The following RGS7 variants were observed in gnomAD, a reference collection of about 807,000 sequenced individuals.
RGS7 encodes regulator of G-protein signaling 7.
A neutral mutation model predicts 81.1 loss-of-function variants in RGS7; 27 were observed. The ratio of observed to expected loss-of-function variants is 0.33; its 90% CI spans 0.25 to 0.46. The LOEUF (loss-of-function observed/expected upper bound fraction) is 0.46. RGS7 is among the 20% of genes least tolerant of loss of function. The probability of loss-of-function intolerance (pLI) is 1.00; values close to 1 mark genes in which losing one functional copy is unlikely to be tolerated. For missense variants in RGS7, 396 were observed against 607.4 expected (o/e 0.65, Z 3.66); for synonymous variants, 208 against 207.7 (o/e 1.00, Z -0.01).
At chr1:241,228,103 C>A (rs891367207) in intron 2 of RGS7, among the ~76,000 whole-genome samples, 1 of 152,172 alleles carries the variant, frequency 6.6e-6, no homozygotes, top group Non-Finnish European at 1.5e-5. Flanking sequence ...GACACTGGCT[C>A]TGGGGAAGCC....
chr1:241,005,945 T>C (rs2058670597), intron 3 of RGS7, among the ~76,000 whole-genome samples: 2 of 152,226 alleles, frequency 1.3e-5, no homozygotes, highest in Admixed American at 1.3e-4. Flanking sequence ...CTACTACAAT[T>C]TGTATATAGA....
chr1:241,225,550 G>C lies in RGS7; in HGVS notation c.79-126788C>G, dbSNP rs374347685. Among the ~76,000 whole-genome samples the C allele has an allele frequency of 1.5e-4, 23 of 152,308 alleles. 1 individual carries two copies. Among genetic ancestry groups the C allele is most frequent in the African/African-American group, 5.5e-4 (23 of 41,574 alleles). On this transcript the variant is annotated intron_variant, in intron 2 of 18. Transcript: ENST00000440928. ...CATAGTGTTTGCATCACAAATACTG[G>C]CTGGATGAATCAGTGAATGAATGAA...
intron 18 of RGS7, among the ~76,000 whole-genome samples, chr1:240,790,162 G>A (rs1231601456): frequency 6.6e-6 from 1 of 152,102 alleles, no homozygotes; most frequent in Non-Finnish European, 1.5e-5. Context: ...AGCTGGGGAG[G>A]TGGAAGTTGC....
intron 6 of RGS7, among the ~76,000 whole-genome samples, chr1:240,882,538 G>A (rs540625723): frequency 6.6e-6 from 1 of 152,288 alleles, no homozygotes; most frequent in Admixed American, 6.5e-5. Context: ...GGGCCACATA[G>A]TATGTCGGCA....
At position 240,813,640 on chromosome 1, in the gene RGS7, T is replaced by C. The variant is rs1358837517; in HGVS notation, c.934A>G (p.Thr312Ala). Residue 312 changes from threonine (T) to alanine (A), a missense_variant, in exon 13 of 19, where the codon ACT becomes GCT. Thr to Ala is a moderately conservative substitution (Grantham distance 58, BLOSUM62 0). Transcript: ENST00000440928. ...TACCTTGCCTCAAGTTCCCAGAAAG[T>C]GGTGTCATCGGACAGCCATGGGTTA... ...PSNPWLSDDT[T>A]FWELEASKEP... The C allele has an allele frequency of 1.2e-6, 2 of 1,612,652 alleles. No homozygotes were observed. The highest frequency in any genetic ancestry group is 1.3e-5 in the African/African-American group (1 of 74,894).
chr1:241,065,786 A>G (rs2062027441), intron 3 of RGS7, among the ~76,000 whole-genome samples: 1 of 152,206 alleles, frequency 6.6e-6, no homozygotes, highest in Admixed American at 6.5e-5. Context: ...CCTGCATGTA[A>G]TACACTTTAT....
At chr1:241,338,892 T>A (rs7513022) in intron 2 of RGS7, among the ~76,000 whole-genome samples, 12,462 of 152,048 alleles carry the variant, frequency 0.082, 1,471 homozygotes, top group African/African-American at 0.26. Flanking sequence ...CTTGCACATA[T>A]TAATTTTTTT....
intron 3 of RGS7, among the ~76,000 whole-genome samples, chr1:241,016,608 C>A (rs750157336): frequency 2.0e-5 from 3 of 151,374 alleles, no homozygotes; most frequent in Non-Finnish European, 4.4e-5. Context: ...CAAAAGAAAA[C>A]AAGTACCAGA....
At chr1:240,984,478 C>T (rs1685372587) in intron 3 of RGS7, among the ~76,000 whole-genome samples, 1 of 152,062 alleles carries the variant, frequency 6.6e-6, no homozygotes. Context: ...AGGTTTCTAG[C>T]CCGGAAGCAT....
chr1:241,325,212 T>G (rs1279260655), intron 2 of RGS7, among the ~76,000 whole-genome samples: 1 of 152,222 alleles, frequency 6.6e-6, no homozygotes, highest in Non-Finnish European at 1.5e-5. Context: ...GGTGAAAAAC[T>G]TTCCTAATAA....
intron 3 of RGS7, among the ~76,000 whole-genome samples, chr1:241,068,264 T>G (rs5028842): frequency 9.9e-6 from 1 of 100,736 alleles, no homozygotes; most frequent in African/African-American, 3.7e-5. Flanking sequence ...ATATAAAATA[T>G]TGTGTATATA....
At chr1:241,151,565 C>CTTTTTTTTTTT (rs58097674) in intron 2 of RGS7, among the ~76,000 whole-genome samples, 1 of 116,478 alleles carries the variant, frequency 8.6e-6, no homozygotes, top group African/African-American at 3.3e-5. Context: ...ATTAGGAACT[C>CTTTTTTTTTTT]TTTTTTTTTT....
At chr1:241,325,109 C>T (rs1326254798) in intron 2 of RGS7, among the ~76,000 whole-genome samples, 1 of 152,196 alleles carries the variant, frequency 6.6e-6, no homozygotes, top group Non-Finnish European at 1.5e-5. Flanking sequence ...TCCATGTTCC[C>T]ATCCACGACC....
chr1:240,892,082 A>C (rs1480584219), intron 6 of RGS7, among the ~76,000 whole-genome samples: 1 of 152,168 alleles, frequency 6.6e-6, no homozygotes, highest in Non-Finnish European at 1.5e-5. Context: ...TATTCCTCAC[A>C]CTGCTTCCTT....
intron 9 of RGS7, among the ~76,000 whole-genome samples, chr1:240,842,988 C>A (rs1658370036): frequency 6.6e-6 from 1 of 151,784 alleles, no homozygotes. Context: ...TATGGTGAAA[C>A]CCCATCTCTA....
At chr1:241,073,747 A>G (rs1407542612) in intron 3 of RGS7, among the ~76,000 whole-genome samples, 1 of 152,338 alleles carries the variant, frequency 6.6e-6, no homozygotes, top group African/African-American at 2.4e-5. Flanking sequence ...ATAAGTTAAC[A>G]GACAACACCC....
intron 2 of RGS7, among the ~76,000 whole-genome samples, chr1:241,190,962 C>G (rs142633533): frequency 9.0e-4 from 137 of 151,750 alleles, no homozygotes; most frequent in African/African-American, 3.3e-3. Context: ...TTCTTTATCA[C>G]GTTGTGAAAA....
intron 2 of RGS7, among the ~76,000 whole-genome samples, chr1:241,352,143 C>T (rs939682677): frequency 6.6e-6 from 1 of 152,074 alleles, no homozygotes; most frequent in Non-Finnish European, 1.5e-5. Context: ...TGTCTAAAGC[C>T]GACCAAAAAC....
chr1:241,201,879 T>C (rs554091073), intron 2 of RGS7, among the ~76,000 whole-genome samples: 6 of 152,238 alleles, frequency 3.9e-5, no homozygotes, highest in South Asian at 2.1e-4. Context: ...ATTTTCTTTA[T>C]ACTTCGCAAA....
Sources: gnomAD v4.1 joint callset for allele counts (sites outside exome capture counted in the v4.1 genomes callset) on GRCh38, gnomAD v4.1.1 for gene constraint, MANE v1.5 for transcripts, NCBI Gene and HGNC (gene_info 2026-07-23, HGNC 2026-07-21) for gene names.